The following PRKCB variants were observed in gnomAD, a reference collection of about 807,000 sequenced individuals.
The protein encoded by PRKCB is protein kinase C beta, also known as protein kinase C beta type.
A neutral mutation model predicts 81.5 loss-of-function variants in PRKCB; 13 were observed. The ratio of observed to expected loss-of-function variants is 0.16; its 90% CI spans 0.10 to 0.25. PRKCB has a LOEUF of 0.25. Ranked by LOEUF, PRKCB falls within the 10% of genes least tolerant of loss-of-function variation. The probability of loss-of-function intolerance (pLI) is 1.00; values close to 1 mark genes in which losing one functional copy is unlikely to be tolerated. For missense variants in PRKCB, 509 were observed against 875.7 expected (o/e 0.58, Z 5.29); for synonymous variants, 335 against 321.4 (o/e 1.04, Z -0.45).
intron 10 of PRKCB, 89 bp from the exon 11 acceptor site, chr16:24,172,181 C>T: frequency 1.1e-6 from 1 of 919,242 alleles, no homozygotes; most frequent in Non-Finnish European, 1.7e-6. Context: ...TGGTAGTTTT[C>T]ATCATAAATT....
At chr16:24,133,450 C>T (rs1337796175) in intron 9 of PRKCB, among the ~76,000 whole-genome samples, 1 of 152,192 alleles carries the variant, frequency 6.6e-6, no homozygotes, top group Admixed American at 6.5e-5. Context: ...AGCCTCTGCC[C>T]TTCTGACCTC....
chr16:23,891,367 G>A (rs1405689677), intron 2 of PRKCB, among the ~76,000 whole-genome samples: 1 of 152,042 alleles, frequency 6.6e-6, no homozygotes, highest in Admixed American at 6.6e-5. Context: ...ATATTCTTAT[G>A]TTTTTACAAT....
rs983188295 is a variant in PRKCB at position 24,061,200 on chromosome 16, A to G, written c.529+25653A>G. 2.0e-5 allele frequency among the ~76,000 whole-genome samples: 3 copies of G among 152,082 alleles called. No individual in the cohort carries two copies. The South Asian group carries it at 6.2e-4, about 32-fold the overall frequency. On this transcript the variant is annotated intron_variant, in intron 5 of 16. Transcript: ENST00000643927. ...CTCAGCCTCCCAAGTAGCTGGGATT[A>G]CAGGTGTGCATCACCACACCCAGCT...
chr16:24,069,466 A>G (rs1966080319), intron 5 of PRKCB, among the ~76,000 whole-genome samples: 1 of 152,074 alleles, frequency 6.6e-6, no homozygotes, highest in Non-Finnish European at 1.5e-5. Flanking sequence ...CCTGGGTCTG[A>G]GCGTGGTGGC....
intron 2 of PRKCB, among the ~76,000 whole-genome samples, chr16:23,953,564 A>G (rs1180961781): frequency 5.9e-5 from 9 of 152,066 alleles, no homozygotes; most frequent in African/African-American, 2.2e-4. Context: ...TGTTGTTTTC[A>G]TTTGCCAATT....
rs10657212 is a variant in PRKCB, at chr16:23,839,279, C to CTTTTTTT, written c.205+1881_205+1887dup. On this transcript the variant is annotated intron_variant, in intron 2 of 16. Transcript: ENST00000643927. ...ATGGGCGCTCTAGAGATAGGAGTGTCTTTTTTTTTTTTTTGACAGGGTCTC... is the reference window on the plus strand; with the variant it reads ...ATGGGCGCTCTAGAGATAGGAGTGTCTTTTTTTTTTTTTTTTTTTTTGACAGGGTCTC... Among the ~76,000 whole-genome samples the CTTTTTTT allele has an allele frequency of 2.5e-3, 348 of 137,124 alleles. 12 individuals are homozygous for CTTTTTTT. The highest frequency in any genetic ancestry group is 0.011 in the Middle Eastern group (3 of 268). The allele number at this position is 137,124 out of a possible 152,430, so 90.0% of individuals were successfully genotyped here.
At chr16:24,082,853 A>G (rs935589753) in intron 5 of PRKCB, among the ~76,000 whole-genome samples, 1 of 152,120 alleles carries the variant, frequency 6.6e-6, no homozygotes, top group African/African-American at 2.4e-5. Context: ...AAAGTGGTAA[A>G]TTGTACTTTA....
intron 7 of PRKCB, among the ~76,000 whole-genome samples, chr16:24,109,595 C>G (rs371079615): frequency 7.7e-6 from 1 of 129,520 alleles, no homozygotes; most frequent in Non-Finnish European, 1.5e-5. Context: ...GGATGGCGGC[C>G]GGGCGGAGAC....
intron 3 of PRKCB, among the ~76,000 whole-genome samples, chr16:23,995,809 T>C (rs1415657081): frequency 3.9e-5 from 6 of 152,294 alleles, no homozygotes; most frequent in Non-Finnish European, 8.8e-5. Context: ...TCATGAGGAG[T>C]TAGTTCCCTA....
At chr16:23,920,667 C>G (rs1963811141) in intron 2 of PRKCB, among the ~76,000 whole-genome samples, 1 of 152,102 alleles carries the variant, frequency 6.6e-6, no homozygotes, top group African/African-American at 2.4e-5. Flanking sequence ...TCTGCATACT[C>G]TTGGGGAGAA....
intron 3 of PRKCB, among the ~76,000 whole-genome samples, chr16:24,030,383 G>C (rs1205267873): frequency 1.3e-5 from 2 of 152,040 alleles, no homozygotes; most frequent in East Asian, 3.8e-4. Context: ...ATGTGTGCAT[G>C]TGGGTGGGTG....
At chr16:24,009,273 A>G (rs1030565348) in intron 3 of PRKCB, among the ~76,000 whole-genome samples, 1 of 152,194 alleles carries the variant, frequency 6.6e-6, no homozygotes, top group African/African-American at 2.4e-5. Context: ...GAACCTTCAC[A>G]CGGGCTAAGG....
intron 5 of PRKCB, among the ~76,000 whole-genome samples, chr16:24,060,397 A>G (rs944089113): frequency 6.6e-6 from 1 of 152,176 alleles, no homozygotes; most frequent in Non-Finnish European, 1.5e-5. Flanking sequence ...GGCATTTAGC[A>G]AAGACGTCAG....
At chr16:24,070,265 C>A (rs113462046) in intron 5 of PRKCB, among the ~76,000 whole-genome samples, 34,528 of 151,616 alleles carry the variant, frequency 0.23, 4,462 homozygotes, top group South Asian at 0.39. Context: ...TCTTGTGCCT[C>A]AGTCTCCCAA....
At chr16:24,118,253 CTTA>C (rs1966757817) in intron 8 of PRKCB, among the ~76,000 whole-genome samples, 2 of 152,256 alleles carry the variant, frequency 1.3e-5, no homozygotes, top group African/African-American at 4.8e-5. Context: ...TATAGCACTT[CTTA>C]CCTCATGAGG....
chr16:24,053,524 A>T (rs1269398677), intron 5 of PRKCB, among the ~76,000 whole-genome samples: 1 of 152,240 alleles, frequency 6.6e-6, no homozygotes, highest in Non-Finnish European at 1.5e-5. Flanking sequence ...AAGACAAAGT[A>T]GGTAAATAAG....
intron 10 of PRKCB, 32 bp from the exon 11 acceptor site, chr16:24,172,238 T>A (rs1967452364): frequency 1.9e-6 from 3 of 1,543,412 alleles, no homozygotes; most frequent in Non-Finnish European, 1.8e-6. Context: ...AGCTACGGGA[T>A]GCTAATGTTG....
intron 2 of PRKCB, 134 bp from the exon 3 acceptor site, chr16:23,988,374 T>C: frequency 3.0e-6 from 2 of 655,916 alleles, no homozygotes; most frequent in Non-Finnish European, 5.3e-6. Context: ...AAGCTGACAT[T>C]ATTGTTTATT....
intron 5 of PRKCB, among the ~76,000 whole-genome samples, chr16:24,041,411 C>G (rs571937744): frequency 2.6e-5 from 4 of 152,054 alleles, no homozygotes; most frequent in Non-Finnish European, 5.9e-5. Flanking sequence ...TAACAACTGA[C>G]ATCTATTATT....
Sources: allele counts gnomAD v4.1 joint callset (sites outside exome capture counted in the v4.1 genomes callset), GRCh38; gene constraint gnomAD v4.1.1; transcripts MANE v1.5; gene names NCBI Gene and HGNC (gene_info 2026-07-23, HGNC 2026-07-21).